FAT3: variants seen among roughly 807,000 people sequenced by gnomAD.
FAT3 encodes the protein FAT atypical cadherin 3, also known as protocadherin Fat 3.
Under a neutral mutation model 310.2 loss-of-function variants are expected in FAT3, and 95 were observed. That is an observed-to-expected ratio of 0.31 (90% CI 0.26 to 0.36). The LOEUF is 0.36. Ranked by LOEUF, FAT3 falls within the 10% of genes least tolerant of loss-of-function variation. The pLI, the probability that FAT3 is intolerant of heterozygous loss-of-function variation, is 1.00. For synonymous variants in FAT3, 2,314 were observed against 2,192.9 expected, an observed-to-expected ratio of 1.06 and a Z score of -1.54; for missense variants, 5,408 against 5,715.6, an observed-to-expected ratio of 0.95 and a Z score of 1.74.
At chr11:92,331,287 C>CTTTT (rs533844533) in intron 1 of FAT3, among the ~76,000 whole-genome samples, 1 of 139,252 alleles carries the variant, frequency 7.2e-6, no homozygotes, top group South Asian at 2.3e-4. Flanking sequence ...TTTATTTCTT[C>CTTTT]TTTTTTTTTT....
intron 4 of FAT3, among the ~76,000 whole-genome samples, chr11:92,714,041 G>C (rs1273477159): frequency 6.6e-6 from 1 of 152,114 alleles, no homozygotes; most frequent in Non-Finnish European, 1.5e-5. Flanking sequence ...AACAAGTCTA[G>C]TTACAGCGTC....
chr11:92,351,302 C>T (rs1948559054), intron 1 of FAT3, among the ~76,000 whole-genome samples: 2 of 151,714 alleles, frequency 1.3e-5, no homozygotes, highest in South Asian at 4.2e-4. Flanking sequence ...AAAGTAAGCA[C>T]AATAAAAGAT....
intron 2 of FAT3, among the ~76,000 whole-genome samples, chr11:92,391,010 T>C (rs983409788): frequency 2.6e-5 from 4 of 151,442 alleles, no homozygotes; most frequent in Non-Finnish European, 5.9e-5. Context: ...GCCTGTTGAT[T>C]TGTGTGACTT....
intron 3 of FAT3, among the ~76,000 whole-genome samples, chr11:92,558,402 A>ATG (rs58362077): frequency 0.046 from 6,864 of 150,110 alleles, 225 homozygotes; most frequent in African/African-American, 0.09. Context: ...TGTTGTGTTT[A>ATG]TGTGTGTGTG....
intron 2 of FAT3, among the ~76,000 whole-genome samples, chr11:92,421,826 G>C (rs1444466614): frequency 6.6e-6 from 1 of 152,194 alleles, no homozygotes; most frequent in Non-Finnish European, 1.5e-5. Flanking sequence ...CTCAGCCCCA[G>C]GTAGAGGAAC....
intron 3 of FAT3, among the ~76,000 whole-genome samples, chr11:92,551,155 T>C (rs954881964): frequency 2.6e-5 from 4 of 152,046 alleles, no homozygotes; most frequent in South Asian, 2.1e-4. Flanking sequence ...TAGAGACCAA[T>C]TGGAGGTGAG....
At chr11:92,777,499 A>G (rs1042297213) in intron 7 of FAT3, among the ~76,000 whole-genome samples, 4 of 152,194 alleles carry the variant, frequency 2.6e-5, no homozygotes, top group Non-Finnish European at 5.9e-5. Context: ...AAAGATTCCA[A>G]TGAACTAAAC....
intron 3 of FAT3, among the ~76,000 whole-genome samples, chr11:92,682,934 C>G (rs1233559819): frequency 6.6e-6 from 1 of 152,048 alleles, no homozygotes; most frequent in African/African-American, 2.4e-5. Flanking sequence ...AAAAATTAGC[C>G]AGGCATGGTG....
intron 1 of FAT3, among the ~76,000 whole-genome samples, chr11:92,343,931 A>G (rs1948341513): frequency 6.6e-6 from 1 of 152,178 alleles, no homozygotes. Context: ...ACCCAATTTT[A>G]TTTCACAAAA....
At chr11:92,768,079 CCAT>C (rs1946363894) in intron 6 of FAT3, among the ~76,000 whole-genome samples, 3 of 152,266 alleles carry the variant, frequency 2.0e-5, no homozygotes, top group Admixed American at 6.5e-5. Context: ...GACCCAGGAT[CCAT>C]CATCAAGAAC....
Position 92,800,426 on chromosome 11 carries a change from C to T in FAT3, c.7413C>T (p.Val2471=). Residue 2471 remains valine (V), a synonymous_variant, in exon 10 of 28, where the codon GTC becomes GTT. Coordinates refer to ENST00000525166, the MANE Select transcript of FAT3 (RefSeq NM_001367949.2). ...CTCTGTACAGTCTCAATGTGTCTGT[C>T]TCTGATGGGTTGTTCACCAGCACTG... ...MEPLYSLNVS[V]SDGLFTSTAQ... 1 of 1,614,008 alleles carries T rather than the reference C, an allele frequency of 6.2e-7. No homozygotes were observed. The highest frequency in any genetic ancestry group is 8.5e-7 in the Non-Finnish European group (1 of 1,179,890).
intron 21 of FAT3, among the ~76,000 whole-genome samples, chr11:92,865,730 A>G (rs1949228083): frequency 6.6e-6 from 1 of 152,340 alleles, no homozygotes; most frequent in South Asian, 2.1e-4. Context: ...ATTCAAAGAC[A>G]TGTTTTCTTT....
chr11:92,711,605 T>C (rs541410721), intron 4 of FAT3, among the ~76,000 whole-genome samples: 8 of 152,282 alleles, frequency 5.3e-5, no homozygotes, highest in South Asian at 2.1e-4. Flanking sequence ...CAAAAATCTA[T>C]CCCTTGGCTG....
chr11:92,686,777 T>C (rs141985194), intron 3 of FAT3, among the ~76,000 whole-genome samples: 97 of 152,334 alleles, frequency 6.4e-4, no homozygotes, highest in African/African-American at 2.1e-3. Flanking sequence ...CTTAAAGGAT[T>C]GCATGCCTAC....
At chr11:92,227,120 G>A (rs972202358) in intron 1 of FAT3, among the ~76,000 whole-genome samples, 11 of 152,340 alleles carry the variant, frequency 7.2e-5, no homozygotes, top group African/African-American at 2.6e-4. Context: ...TGGGGTTCCT[G>A]TGCGTGGGTC....
At chr11:92,654,572 T>C (rs756796159) in intron 3 of FAT3, among the ~76,000 whole-genome samples, 5 of 152,050 alleles carry the variant, frequency 3.3e-5, no homozygotes, top group Non-Finnish European at 5.9e-5. Flanking sequence ...AAATAAAAAA[T>C]GTAACTCACC....
chr11:92,735,288 G>C (rs995350956), intron 4 of FAT3, among the ~76,000 whole-genome samples: 2 of 152,100 alleles, frequency 1.3e-5, no homozygotes, highest in African/African-American at 4.8e-5. Context: ...TTCTGAATTG[G>C]AGTTTTCAGA....
chr11:92,292,664 A>C (rs1320315376), intron 1 of FAT3, among the ~76,000 whole-genome samples: 1 of 152,108 alleles, frequency 6.6e-6, no homozygotes, highest in East Asian at 1.9e-4. Flanking sequence ...TCTATTTAAA[A>C]GAGGCATTTA....
chr11:92,513,078 C>T (rs1953361034), intron 2 of FAT3, among the ~76,000 whole-genome samples: 1 of 41,064 alleles, frequency 2.4e-5, no homozygotes, highest in East Asian at 7.4e-4. Context: ...GCCGAGATCG[C>T]GCCACTGCAC....
Sources: allele counts gnomAD v4.1 joint callset (sites outside exome capture counted in the v4.1 genomes callset), GRCh38; gene constraint gnomAD v4.1.1; transcripts MANE v1.5; gene names NCBI Gene and HGNC (gene_info 2026-07-23, HGNC 2026-07-21).